The following PTPRT variants were observed in gnomAD, a reference collection of about 807,000 sequenced individuals.
PTPRT encodes the protein protein tyrosine phosphatase receptor type T.
A neutral mutation model predicts 176.8 loss-of-function variants in PTPRT; 56 were observed. The ratio of observed to expected loss-of-function variants is 0.32; its 90% CI spans 0.26 to 0.40. PTPRT has a LOEUF of 0.40. Ranked by LOEUF, PTPRT falls within the 10% of genes least tolerant of loss-of-function variation. The pLI, the probability that PTPRT is intolerant of heterozygous loss-of-function variation, is 1.00. For synonymous variants in PTPRT, 783 were observed against 739.0 expected (o/e 1.06, Z -0.96); for missense variants, 1,540 against 1,908.2 (o/e 0.81, Z 3.60).
intron 17 of PTPRT, among the ~76,000 whole-genome samples, chr20:42,157,631 C>G (rs186381631): frequency 0.011 from 1,710 of 152,216 alleles, 15 homozygotes; most frequent in Non-Finnish European, 0.014. Flanking sequence ...TCTTCCCCCC[C>G]CAATATTTCT....
intron 7 of PTPRT, among the ~76,000 whole-genome samples, chr20:42,620,661 C>T (rs949037516): frequency 2.0e-5 from 3 of 152,194 alleles, no homozygotes; most frequent in African/African-American, 7.2e-5. Context: ...TTTTTTAAGC[C>T]GGTCTGAAAA....
Position 42,219,069 on chromosome 20 carries a change from C to T in PTPRT, c.2342+17160G>A, listed in dbSNP as rs192476694. Among the ~76,000 whole-genome samples the T allele has an allele frequency of 7.2e-5, 11 of 152,252 alleles. No individual in the cohort carries two copies. In the East Asian group the frequency reaches 1.7e-3, roughly 24 times the overall value. ...CACTTAAGCGCCATAAAATCACAAGCATGAGATTAATTAATTAGTGTACAC... is the reference window on the plus strand; with the variant it reads ...CACTTAAGCGCCATAAAATCACAAGTATGAGATTAATTAATTAGTGTACAC... On this transcript the variant is annotated intron_variant, in intron 15 of 30. Coordinates refer to ENST00000373187, the MANE Select transcript of PTPRT (RefSeq NM_007050.6).
chr20:42,155,194 T>C (rs866155984), intron 17 of PTPRT, among the ~76,000 whole-genome samples: 1 of 152,312 alleles, frequency 6.6e-6, no homozygotes, highest in Middle Eastern at 3.4e-3. Flanking sequence ...AAATGTGGCC[T>C]GAGCATTGGT....
chr20:42,478,045 C>T (rs896074899), intron 7 of PTPRT, among the ~76,000 whole-genome samples: 1 of 152,242 alleles, frequency 6.6e-6, no homozygotes, highest in African/African-American at 2.4e-5. Flanking sequence ...AGGCCCTACA[C>T]TCAGTTTCTT....
At chr20:42,282,396 G>T in intron 13 of PTPRT, 93 bp downstream of exon 13, 2 of 1,286,944 alleles carry the variant, frequency 1.6e-6, no homozygotes, top group Non-Finnish European at 1.1e-6. Flanking sequence ...CTTGTTTTGA[G>T]TTACTGTTGC....
chr20:43,149,034 T>C (rs952495598), intron 1 of PTPRT, among the ~76,000 whole-genome samples: 2 of 152,212 alleles, frequency 1.3e-5, no homozygotes, highest in Non-Finnish European at 2.9e-5. Flanking sequence ...TAGATCCATG[T>C]TCTGTTGGAA....
At chr20:42,449,592 G>A (rs939021312) in intron 8 of PTPRT, among the ~76,000 whole-genome samples, 59 of 152,204 alleles carry the variant, frequency 3.9e-4, no homozygotes, top group Admixed American at 8.5e-4. Flanking sequence ...CCTTTGCGTC[G>A]ATAAGAGAAC....
chr20:42,775,664 G>A (rs112961842), intron 4 of PTPRT, among the ~76,000 whole-genome samples: 4,514 of 152,220 alleles, frequency 0.03, 134 homozygotes, highest in African/African-American at 0.079. Flanking sequence ...ACTGTTTTGG[G>A]AGCTTGGAGG....
intron 5 of PTPRT, among the ~76,000 whole-genome samples, chr20:42,759,979 A>G (rs535552088): frequency 6.6e-6 from 1 of 152,198 alleles, no homozygotes; most frequent in South Asian, 2.1e-4. Flanking sequence ...AGGGGCTAAG[A>G]AAGGATGAGA....
At chr20:42,160,681 C>T (rs1416312430) in intron 17 of PTPRT, among the ~76,000 whole-genome samples, 4 of 152,208 alleles carry the variant, frequency 2.6e-5, no homozygotes, top group African/African-American at 4.8e-5. Flanking sequence ...TGAGCTGCTG[C>T]CTGTCCTTTA....
At chr20:42,830,301 A>G (rs2078062704) in intron 2 of PTPRT, among the ~76,000 whole-genome samples, 3 of 152,252 alleles carry the variant, frequency 2.0e-5, no homozygotes, top group Admixed American at 1.3e-4. Context: ...ACATGTGCAA[A>G]TCAATAAACG....
intron 1 of PTPRT, among the ~76,000 whole-genome samples, chr20:43,168,074 T>C (rs888510215): frequency 1.3e-5 from 2 of 152,182 alleles, no homozygotes; most frequent in Admixed American, 1.3e-4. Flanking sequence ...TCGTTTCAGT[T>C]TGAATTGCTC....
intron 15 of PTPRT, among the ~76,000 whole-genome samples, chr20:42,224,994 G>A (rs926440025): frequency 6.6e-6 from 1 of 152,084 alleles, no homozygotes; most frequent in Non-Finnish European, 1.5e-5. Flanking sequence ...TCTGCCCACC[G>A]GTCTACAGAG....
chr20:42,965,721 A>G (rs693433), intron 1 of PTPRT, among the ~76,000 whole-genome samples: 3,970 of 152,330 alleles, frequency 0.026, 176 homozygotes, highest in African/African-American at 0.089. Flanking sequence ...CAAAGCTCAC[A>G]GATGGAAAAA....
chr20:42,813,728 G>A (rs2077735669), intron 2 of PTPRT, among the ~76,000 whole-genome samples: 1 of 152,142 alleles, frequency 6.6e-6, no homozygotes, highest in African/African-American at 2.4e-5. Context: ...GAGAAGGAAG[G>A]AGAGAGCTCA....
At chr20:42,998,569 T>C (rs1600635578) in intron 1 of PTPRT, among the ~76,000 whole-genome samples, 1 of 152,188 alleles carries the variant, frequency 6.6e-6, no homozygotes, top group Non-Finnish European at 1.5e-5. Flanking sequence ...CCTATATTGA[T>C]TACCTGCACT....
intron 21 of PTPRT, among the ~76,000 whole-genome samples, chr20:42,116,649 G>A (rs1987299382): frequency 1.3e-5 from 2 of 152,160 alleles, no homozygotes; most frequent in South Asian, 2.1e-4. Flanking sequence ...AGGAAGCATA[G>A]GAAAGCTAAG....
intron 11 of PTPRT, among the ~76,000 whole-genome samples, chr20:42,350,229 T>TG (rs760600952): frequency 0.18 from 17,369 of 95,986 alleles, 1,518 homozygotes; most frequent in Non-Finnish European, 0.22. Flanking sequence ...TTTTTTTTTT[T>TG]TTTTTTTTTT....
At chr20:42,588,920 C>T (rs1026096843) in intron 7 of PTPRT, among the ~76,000 whole-genome samples, 41 of 152,278 alleles carry the variant, frequency 2.7e-4, no homozygotes, top group African/African-American at 9.4e-4. Context: ...ACAACTGAGG[C>T]ACCAAGACGT....
Sources: gnomAD v4.1 joint callset for allele counts (sites outside exome capture counted in the v4.1 genomes callset) on GRCh38, gnomAD v4.1.1 for gene constraint, MANE v1.5 for transcripts, NCBI Gene and HGNC (gene_info 2026-07-23, HGNC 2026-07-21) for gene names.